The following RUNX1 variants were observed in gnomAD, a reference collection of about 807,000 sequenced individuals.
RUNX1 encodes runt-related transcription factor 1.
In RUNX1, 19 loss-of-function variants were observed where a neutral mutation model predicts 42.8. The ratio of observed to expected loss-of-function variants is 0.44; its 90% CI spans 0.31 to 0.65. RUNX1 has a LOEUF of 0.65. RUNX1 is among the 30% of genes least tolerant of loss of function. RUNX1 has a pLI of 0.07. For synonymous variants in RUNX1, 271 were observed against 289.4 expected, an observed-to-expected ratio of 0.94 and a Z score of 0.64; for missense variants, 528 against 672.0, an observed-to-expected ratio of 0.79 and a Z score of 2.37.
chr21:34,878,941 A>G (rs573909962), intron 5 of RUNX1, among the ~76,000 whole-genome samples: 17 of 152,366 alleles, frequency 1.1e-4, no homozygotes, highest in African/African-American at 3.8e-4. Flanking sequence ...GAAGACCCAC[A>G]CAGATGCATA....
intron 2 of RUNX1, among the ~76,000 whole-genome samples, chr21:34,918,778 T>G (rs1569104402): frequency 6.6e-6 from 1 of 152,104 alleles, no homozygotes; most frequent in Admixed American, 6.6e-5. Flanking sequence ...CATAGTGGTG[T>G]GCCTGTAGTC....
intron 5 of RUNX1, among the ~76,000 whole-genome samples, chr21:34,875,333 TGGA>T (rs903148772): frequency 1.3e-4 from 20 of 152,314 alleles, no homozygotes; most frequent in African/African-American, 4.8e-4. Context: ...CATCAGATCA[TGGA>T]GGCAAGCTTT....
At chr21:34,906,594 GAA>G (rs1230501588) in intron 2 of RUNX1, among the ~76,000 whole-genome samples, 1 of 152,194 alleles carries the variant, frequency 6.6e-6, no homozygotes, top group Non-Finnish European at 1.5e-5. Flanking sequence ...ATGGAGCAGT[GAA>G]AGTAAGAATT....
At chr21:34,832,293 C>T (rs2057074737) in intron 7 of RUNX1, among the ~76,000 whole-genome samples, 1 of 152,128 alleles carries the variant, frequency 6.6e-6, no homozygotes. Context: ...GCAACTTCCC[C>T]CCATTTTTTT....
intron 2 of RUNX1, among the ~76,000 whole-genome samples, chr21:34,989,329 C>T (rs2058918455): frequency 6.6e-6 from 1 of 151,916 alleles, no homozygotes; most frequent in East Asian, 1.9e-4. Flanking sequence ...TTATACTGAT[C>T]TTTGCCATTC....
intron 2 of RUNX1, among the ~76,000 whole-genome samples, chr21:35,044,821 TGA>T (rs1474048896): frequency 3.3e-5 from 5 of 152,346 alleles, no homozygotes; most frequent in Non-Finnish European, 7.3e-5. Context: ...GGATCTATTT[TGA>T]GAGAATGTAG....
At chr21:34,913,072 A>G (rs1256407329) in intron 2 of RUNX1, among the ~76,000 whole-genome samples, 2 of 152,160 alleles carry the variant, frequency 1.3e-5, no homozygotes, top group Non-Finnish European at 2.9e-5. Flanking sequence ...CTCTACTAAA[A>G]ATACAAAAAA....
Position 34,958,600 on chromosome 21 carries a change from T to C in RUNX1, c.59-65637A>G, listed in dbSNP as rs200821723. Among the ~76,000 whole-genome samples the C allele has an allele frequency of 5.4e-3, 826 of 152,312 alleles. 7 individuals carry two copies. The highest frequency in any genetic ancestry group is 0.033 in the South Asian group (160 of 4,820). ...AATAGGAACACTTTTACACTGTTGG[T>C]GGGACTGTAAACTAGTTCAACCATT... On this transcript the variant is annotated intron_variant, in intron 2 of 8. Transcript: ENST00000675419.
At chr21:35,020,987 T>G (rs2059194250) in intron 2 of RUNX1, among the ~76,000 whole-genome samples, 1 of 152,224 alleles carries the variant, frequency 6.6e-6, no homozygotes. Context: ...GCTGGCTGGC[T>G]GAGGCACTTG....
At chr21:35,023,342 G>A (rs922152130) in intron 2 of RUNX1, among the ~76,000 whole-genome samples, 6 of 152,230 alleles carry the variant, frequency 3.9e-5, no homozygotes, top group Admixed American at 1.3e-4. Flanking sequence ...CAAGTCTTGT[G>A]AGATGATGCA....
intron 2 of RUNX1, among the ~76,000 whole-genome samples, chr21:34,991,544 CGATGATGATGATGAT>C (rs10578831): frequency 1.3e-5 from 2 of 150,990 alleles, no homozygotes; most frequent in Non-Finnish European, 3.0e-5. Flanking sequence ...GCAGGGATTA[CGATGATGATGATGAT>C]GATGATGATG....
intron 5 of RUNX1, among the ~76,000 whole-genome samples, chr21:34,875,824 G>C (rs2300396): frequency 0.24 from 36,004 of 152,036 alleles, 4,373 homozygotes; most frequent in Middle Eastern, 0.26. Context: ...CTTGACCACA[G>C]TCTTCCACTC....
At position 34,791,997 on chromosome 21, in the gene RUNX1, C is replaced by A; in HGVS notation, c.*138G>T. The A allele has an allele frequency of 2.0e-6, 1 of 496,370 alleles. No individual in the cohort carries two copies. 30.7% of individuals were successfully genotyped at this position (496,370 alleles called of 1,614,324 possible). Reference sequence around the variant, plus strand: ...GCCTGACCTACAGCGAGATCCTGGCCGTCGGGCGCCCTCGGCCCCAGGACG... The same window carrying A: ...GCCTGACCTACAGCGAGATCCTGGCAGTCGGGCGCCCTCGGCCCCAGGACG... On this transcript the variant is annotated 3_prime_UTR_variant, in exon 9 of 9. Coordinates refer to ENST00000675419, the MANE Select transcript of RUNX1 (RefSeq NM_001754.5).
rs1257465848 is a variant in RUNX1 at position 34,788,746 on chromosome 21, AC to A, written c.*3388del. 3 of 233,460 alleles carry A rather than the reference AC, an allele frequency of 1.3e-5. No individual in the cohort carries two copies. The highest frequency in any genetic ancestry group is 1.2e-4 in the East Asian group (2 of 16,528). The allele number at this position is 233,460 out of a possible 1,614,324, so 14.5% of individuals were successfully genotyped here. On this transcript the variant is annotated 3_prime_UTR_variant, in exon 9 of 9. Transcript: ENST00000675419. ...CCAACAAACACACAAAAATCCCAAAACAAATGTATACGCTACGGTAAACAAA... is the reference window on the plus strand; with the variant it reads ...CCAACAAACACACAAAAATCCCAAAAAAATGTATACGCTACGGTAAACAAA...
intron 7 of RUNX1, among the ~76,000 whole-genome samples, chr21:34,822,992 T>C (rs1254629963): frequency 3.3e-5 from 5 of 152,202 alleles, no homozygotes; most frequent in Non-Finnish European, 4.4e-5. Context: ...CTTCCAGTGA[T>C]ATAAAGAGGA....
chr21:34,944,826 T>C (rs545979628), intron 2 of RUNX1, among the ~76,000 whole-genome samples: 1 of 152,352 alleles, frequency 6.6e-6, no homozygotes, highest in East Asian at 1.9e-4. Context: ...TAATAACTAA[T>C]GACTAACTAT....
At chr21:34,978,732 G>A (rs1441587435) in intron 2 of RUNX1, among the ~76,000 whole-genome samples, 1 of 152,110 alleles carries the variant, frequency 6.6e-6, no homozygotes, top group Non-Finnish European at 1.5e-5. Flanking sequence ...ACTGTAGAGG[G>A]TAATTGAAGG....
At chr21:34,805,933 T>TA (rs1470982851) in intron 7 of RUNX1, among the ~76,000 whole-genome samples, 1 of 152,162 alleles carries the variant, frequency 6.6e-6, no homozygotes, top group Non-Finnish European at 1.5e-5. Context: ...GTAGATTAGT[T>TA]ATACATGTAC....
At chr21:34,963,183 G>A (rs2058693515) in intron 2 of RUNX1, among the ~76,000 whole-genome samples, 1 of 152,180 alleles carries the variant, frequency 6.6e-6, no homozygotes, top group Non-Finnish European at 1.5e-5. Context: ...AACCTAGGGT[G>A]CGAAGGAGCA....
Sources: allele counts gnomAD v4.1 joint callset (sites outside exome capture counted in the v4.1 genomes callset), GRCh38; gene constraint gnomAD v4.1.1; transcripts MANE v1.5; gene names NCBI Gene and HGNC (gene_info 2026-07-23, HGNC 2026-07-21).